Variants in GRAMD1B observed in about 807,000 individuals in gnomAD.
GRAMD1B encodes protein Aster-B.
A neutral mutation model predicts 99.7 loss-of-function variants in GRAMD1B; 37 were observed. The observed-to-expected ratio is 0.37, with a 90% CI of 0.29 to 0.49. The LOEUF is 0.49. Among genes scored for constraint, GRAMD1B ranks in the 20% least tolerant of loss-of-function variants. The pLI is 0.98. For missense variants in GRAMD1B, 888 were observed against 1,009.2 expected (o/e 0.88, Z 1.63); for synonymous variants, 427 against 387.6 (o/e 1.10, Z -1.19).
intron 8 of GRAMD1B, among the ~76,000 whole-genome samples, chr11:123,601,196 C>T (rs941795030): frequency 3.3e-5 from 5 of 152,078 alleles, no homozygotes; most frequent in African/African-American, 1.2e-4. Context: ...GGGTCCCTCC[C>T]CAGTCAGCAA....
Position 123,492,858 on chromosome 11 carries a change from T to TCACACACACACACACACACA in GRAMD1B, c.452+11971_452+11972insCACACACACACACACACACA, listed in dbSNP as rs763283753. ...CTCTCTCTCTCTCTGTCTCTCTCTT[T>TCACACACACACACACACACA]CACACATACACACACACACACACAC... On this transcript the variant is annotated intron_variant, in intron 2 of 19. Coordinates refer to ENST00000635736, the MANE Select transcript of GRAMD1B (RefSeq NM_001387025.1). This position sits in a 1 kb window ranked among gnomAD's most constrained non-coding sequence, Gnocchi z 4.2. Among the ~76,000 whole-genome samples, 15 of 131,800 alleles carry TCACACACACACACACACACA rather than the reference T, an allele frequency of 1.1e-4. No homozygotes were observed. Among genetic ancestry groups the TCACACACACACACACACACA allele is most frequent in the East Asian group, 2.1e-4 (1 of 4,832 alleles). The allele number at this position is 131,800 out of a possible 152,430, so 86.5% of individuals were successfully genotyped here. A position where few individuals can be genotyped will look rare whatever the true frequency, so the allele number is the denominator to read the frequency against.
chr11:123,359,989 G>A lies in GRAMD1B; in HGVS notation c.-176+1190G>A, dbSNP rs116852589. Among the ~76,000 whole-genome samples, 433 of 152,200 alleles carry A rather than the reference G, an allele frequency of 2.8e-3. 2 individuals carry two copies. Among genetic ancestry groups the A allele is most frequent in the Non-Finnish European group, 1.8e-3 (124 of 68,010 alleles). On this transcript the variant is annotated intron_variant, in intron 1 of 20. Coordinates refer to the GRAMD1B transcript ENST00000638157. ...TTGGGGAGGGGCGGATCTCAGCTGG[G>A]GCTCTCTCTTGGAGTTCAGGAAACT...
chr11:123,606,746 C>A lies in GRAMD1B; in HGVS notation c.1461C>A (p.Asp487Glu), dbSNP rs1472693993. 5 of 1,613,806 alleles carry A rather than the reference C, an allele frequency of 3.1e-6. No homozygotes were observed. The South Asian group carries it at 5.5e-5, about 18-fold the overall frequency. The change falls in exon 11 of 20, where the codon GAC becomes GAA. Residue 487 changes from aspartate to glutamate, a missense_variant. Physicochemically the swap from Asp to Glu is conservative, Grantham distance 45. Coordinates refer to ENST00000635736, the MANE Select transcript of GRAMD1B (RefSeq NM_001387025.1). ...ACTCCCCTTCACTGGACTTCAATGA[C>A]AATGAGGACATCCCCACTGAGCTCA... ...PVNSPSLDFN[D>E]NEDIPTELSD... is the part of the protein sequence containing the mutation.
At chr11:123,479,081 G>A (rs538459637) in intron 1 of GRAMD1B, among the ~76,000 whole-genome samples, 1 of 152,212 alleles carries the variant, frequency 6.6e-6, no homozygotes, top group Non-Finnish European at 1.5e-5. Context: ...ATGATGAGCA[G>A]CCACTGCATA....
intron 2 of GRAMD1B, among the ~76,000 whole-genome samples, chr11:123,574,043 G>T (rs1172547526): frequency 6.0e-5 from 9 of 150,406 alleles, no homozygotes; most frequent in Non-Finnish European, 7.4e-5. Flanking sequence ...GAGCAAGTGG[G>T]ATTTGAAATG....
chr11:123,416,094 A>C (rs989641664), intron 1 of GRAMD1B, among the ~76,000 whole-genome samples: 1 of 152,236 alleles, frequency 6.6e-6, no homozygotes, highest in Non-Finnish European at 1.5e-5. Flanking sequence ...AGCTTAATAC[A>C]AAACCTAGCA....
intron 1 of GRAMD1B, among the ~76,000 whole-genome samples, chr11:123,410,171 T>G (rs1947990965): frequency 6.6e-6 from 1 of 151,470 alleles, no homozygotes; most frequent in African/African-American, 2.4e-5. Context: ...GAGAAGATTT[T>G]GGGACAAGAA....
At chr11:123,605,847 A>G (rs918417826) in intron 10 of GRAMD1B, among the ~76,000 whole-genome samples, 17 of 152,214 alleles carry the variant, frequency 1.1e-4, no homozygotes, top group Admixed American at 1.0e-3. Context: ...CTATAGAACA[A>G]TTAATTGTTT....
chr11:123,548,335 C>CAT (rs1945268951), intron 2 of GRAMD1B, among the ~76,000 whole-genome samples: 2 of 114,022 alleles, frequency 1.8e-5, no homozygotes, highest in African/African-American at 8.9e-5. Flanking sequence ...TACACACACA[C>CAT]ACACACACAC....
At chr11:123,386,540 C>T (rs1014432841) in intron 1 of GRAMD1B, among the ~76,000 whole-genome samples, 17 of 151,006 alleles carry the variant, frequency 1.1e-4, no homozygotes, top group Non-Finnish European at 1.9e-4. Context: ...CAGATTCAAG[C>T]GATTCTCCTG....
At chr11:123,554,525 C>CA (rs750680684) in intron 2 of GRAMD1B, among the ~76,000 whole-genome samples, 17,814 of 86,396 alleles carry the variant, frequency 0.21, 1,536 homozygotes, top group East Asian at 0.32. Context: ...CCCATCTTTA[C>CA]AAAAAAAAAA....
At chr11:123,414,041 A>G (rs1027434349) in intron 1 of GRAMD1B, among the ~76,000 whole-genome samples, 7 of 147,922 alleles carry the variant, frequency 4.7e-5, no homozygotes, top group Non-Finnish European at 1.0e-4. Flanking sequence ...ATCCATCATC[A>G]TCATCATTTT....
chr11:123,519,297 C>T (rs770759331), intron 2 of GRAMD1B, among the ~76,000 whole-genome samples: 2 of 152,178 alleles, frequency 1.3e-5, no homozygotes, highest in Non-Finnish European at 2.9e-5. Context: ...GAGGAGAGTG[C>T]CAAGGGAGGG....
In GRAMD1B at chr11:123,594,062, C is replaced by T. The variant is rs558683060; in HGVS notation, c.685-20C>T. Reference sequence around the variant, plus strand: ...ACAGAACCGGGGTACATCCTACTAACCTTGGCTATTGTCACGCAGGTGTTA... The same window carrying T: ...ACAGAACCGGGGTACATCCTACTAATCTTGGCTATTGTCACGCAGGTGTTA... On this transcript the variant is annotated intron_variant, in intron 4 of 19. Transcript: ENST00000635736. 1.9e-6 allele frequency: 3 copies of T among 1,559,816 alleles called. No homozygotes were observed. Among genetic ancestry groups the T allele is most frequent in the Non-Finnish European group, 2.7e-6 (3 of 1,130,368 alleles).
rs190982435 is a variant in GRAMD1B at position 123,594,240 on chromosome 11, C to G, written c.769+74C>G. 4,066 of 996,452 alleles carry G rather than the reference C, an allele frequency of 4.1e-3. 43 individuals are homozygous for G. The highest frequency in any genetic ancestry group is 0.02 in the Admixed American group (1,122 of 57,412). The allele number at this position is 996,452 out of a possible 1,614,324, so 61.7% of individuals were successfully genotyped here. A position where few individuals can be genotyped will look rare whatever the true frequency, so the allele number is the denominator to read the frequency against. On this transcript the variant is annotated intron_variant, in intron 5 of 19. Transcript: ENST00000635736. ...CCGGCATAGCACTCAGGGTGCTTCT[C>G]TCTAGAGGCCTCAAGCCAACCCAGG... is the stretch of plus-strand genomic sequence containing the variant.
chr11:123,459,427 C>G (rs55848228), intron 1 of GRAMD1B: 24,420 of 151,648 alleles, frequency 0.16, 2,246 homozygotes, highest in Non-Finnish European at 0.21. Context: ...GGCTAATTTT[C>G]TATTTTTAAT....
chr11:123,506,705 A>AG (rs1249095477), intron 2 of GRAMD1B, among the ~76,000 whole-genome samples: 1 of 152,228 alleles, frequency 6.6e-6, no homozygotes, highest in African/African-American at 2.4e-5. Context: ...CAGCAGAGGT[A>AG]GGGATTCAAT....
At chr11:123,379,731 T>C (rs1183264573) in intron 1 of GRAMD1B, among the ~76,000 whole-genome samples, 1 of 152,258 alleles carries the variant, frequency 6.6e-6, no homozygotes, top group Non-Finnish European at 1.5e-5. Context: ...AGTAACTGTA[T>C]GTTAAACACT....
At chr11:123,593,873 C>G (rs1325484442) in intron 4 of GRAMD1B, among the ~76,000 whole-genome samples, 3 of 152,140 alleles carry the variant, frequency 2.0e-5, no homozygotes, top group Non-Finnish European at 4.4e-5. Context: ...GAGGCCCTGG[C>G]TGCATAGTGT....
Sources: gnomAD v4.1 joint callset for allele counts (sites outside exome capture counted in the v4.1 genomes callset) on GRCh38, gnomAD v4.1.1 for gene constraint, Gnocchi (gnomAD v3.1) non-coding constraint, MANE v1.5 for transcripts, NCBI Gene and HGNC (gene_info 2026-07-23, HGNC 2026-07-21) for gene names.